The following TNS4 variants were observed in gnomAD, a reference collection of about 807,000 sequenced individuals.
TNS4 encodes tensin 4.
In TNS4, 46 loss-of-function variants were observed where a neutral mutation model predicts 70.4. The ratio of observed to expected loss-of-function variants is 0.65; its 90% CI spans 0.52 to 0.84. The LOEUF is 0.84. TNS4 is among the 40% of genes least tolerant of loss of function. The probability of loss-of-function intolerance (pLI) is 0.00; values close to 1 mark genes in which losing one functional copy is unlikely to be tolerated. For missense variants in TNS4, 863 were observed against 907.0 expected (o/e 0.95, Z 0.62); for synonymous variants, 390 against 366.6 (o/e 1.06, Z -0.73).
At chr17:40,478,761 C>T in intron 10 of TNS4, 113 bp from the exon 11 acceptor site, 1 of 1,237,414 alleles carries the variant, frequency 8.1e-7, no homozygotes, top group South Asian at 1.4e-5. Context: ...CAAGAAGTCT[C>T]TGGGTTAGAC....
intron 2 of TNS4, among the ~76,000 whole-genome samples, chr17:40,494,708 G>A (rs1192447820): frequency 6.9e-6 from 1 of 144,172 alleles, no homozygotes; most frequent in Non-Finnish European, 1.5e-5. Flanking sequence ...CTCCAGCCTG[G>A]GTGACAGTGA....
intron 2 of TNS4, among the ~76,000 whole-genome samples, chr17:40,490,325 G>A (rs1262523931): frequency 6.6e-6 from 1 of 152,266 alleles, no homozygotes; most frequent in Non-Finnish European, 1.5e-5. Context: ...TCTCCCCAAG[G>A]TGAGGATGAA....
Position 40,485,111 on chromosome 17 carries a change from G to T in TNS4, c.1289-104C>A. The T allele has an allele frequency of 6.1e-6, 6 of 984,432 alleles. No homozygotes were observed. The East Asian group carries it at 9.9e-5, about 16-fold the overall frequency. The allele number at this position is 984,432 out of a possible 1,614,324, so 61.0% of individuals were successfully genotyped here. A position where few individuals can be genotyped will look rare whatever the true frequency, so the allele number is the denominator to read the frequency against. Reference sequence around the variant, plus strand: ...ACCCTTCCCTACTCTATTGCCCCAAGGTTTCATTCAACCACCATCCCAGAC... The same window carrying T: ...ACCCTTCCCTACTCTATTGCCCCAATGTTTCATTCAACCACCATCCCAGAC... On this transcript the variant is annotated intron_variant, in intron 4 of 12. Coordinates refer to ENST00000254051, the MANE Select transcript of TNS4 (RefSeq NM_032865.6).
chr17:40,487,596 G>T, intron 3 of TNS4, 136 bp from the exon 4 acceptor site: 1 of 841,790 alleles, frequency 1.2e-6, no homozygotes, highest in Non-Finnish European at 1.8e-6. Flanking sequence ...ACCCCCTACA[G>T]CCCACAGCAA....
At chr17:40,500,526 G>A (rs569351768) in intron 1 of TNS4, among the ~76,000 whole-genome samples, 1 of 152,244 alleles carries the variant, frequency 6.6e-6, no homozygotes, top group South Asian at 2.1e-4. Flanking sequence ...CTATTTGTAG[G>A]TGCCCCCTAC....
At chr17:40,496,592 A>G (rs6503543) in intron 1 of TNS4, 72 bp from the exon 2 acceptor site, 633,101 of 687,112 alleles carry the variant, frequency 0.92, 293,655 homozygotes, top group East Asian at 0.97. Context: ...CTCCGTACAA[A>G]GGCTAAGTTA....
At chr17:40,482,286 C>G (rs534409647) in intron 7 of TNS4, 38 bp downstream of exon 7, 1 of 1,614,008 alleles carries the variant, frequency 6.2e-7, no homozygotes, top group Non-Finnish European at 8.5e-7. Flanking sequence ...TTCGCTGGCC[C>G]CCCATCCCGG....
Position 40,487,032 on chromosome 17 carries a change from G to T in TNS4, c.1288+4C>A, listed in dbSNP as rs552363525. 6.2e-7 allele frequency: 1 copy of T among 1,612,472 alleles called. No homozygotes were observed. The highest frequency in any genetic ancestry group is 8.5e-7 in the Non-Finnish European group (1 of 1,178,616). ...ATTGCTTCAAATATTGGTTTACGAC[G>T]TACCCTCTGGGCATGTGGTAAAGGG... On this transcript the variant is annotated splice_donor_region_variant and intron_variant, in intron 4 of 12. Transcript: ENST00000254051.
At chr17:40,480,066 T>A in intron 9 of TNS4, 2 of 570,600 alleles carry the variant, frequency 3.5e-6, no homozygotes, top group Non-Finnish European at 6.1e-6. Context: ...CCCCTGGCCC[T>A]CCAGCATGGG....
intron 5 of TNS4, 133 bp downstream of exon 5, chr17:40,484,782 CATGAGG>C: frequency 7.3e-7 from 1 of 1,362,972 alleles, no homozygotes. Flanking sequence ...CTCGGGAGGT[CATGAGG>C]TCAGCAGGAC....
chr17:40,478,534 C>T (rs141345820), intron 11 of TNS4, 46 bp downstream of exon 11: 41 of 1,608,626 alleles, frequency 2.5e-5, no homozygotes, highest in South Asian at 5.5e-5. Context: ...TGGTGGGCAG[C>T]GGGGCCCTGG....
At chr17:40,484,756 C>T in intron 5 of TNS4, 147 bp from the exon 6 acceptor site, 1 of 1,420,320 alleles carries the variant, frequency 7.0e-7, no homozygotes, top group Non-Finnish European at 9.6e-7. Context: ...ACCATTCTTG[C>T]TGTGGTTCCT....
At chr17:40,496,784 C>A (rs985801134) in intron 1 of TNS4, among the ~76,000 whole-genome samples, 66 of 152,272 alleles carry the variant, frequency 4.3e-4, no homozygotes, top group African/African-American at 1.5e-3. Context: ...ACATAATAAG[C>A]ATTATGTAAG....
In TNS4 at chr17:40,496,430, G is replaced by A; in HGVS notation, c.-5C>T. 1 of 1,610,326 alleles carries A rather than the reference G, an allele frequency of 6.2e-7. No individual in the cohort carries two copies. Among genetic ancestry groups the A allele is most frequent in the Non-Finnish European group, 8.5e-7 (1 of 1,179,406 alleles). ...GCTGGACATCACCTGGGACATGGTG[G>A]GGGTGGTGACCTCTGCAGTTTACCT... is the stretch of plus-strand genomic sequence containing the variant. On this transcript the variant is annotated 5_prime_UTR_variant, in exon 2 of 13. Coordinates refer to ENST00000254051, the MANE Select transcript of TNS4 (RefSeq NM_032865.6).
In TNS4 at chr17:40,475,855, A is replaced by G. The variant is rs1286338575; in HGVS notation, c.*1733T>C. On this transcript the variant is annotated 3_prime_UTR_variant, in exon 13 of 13. Transcript: ENST00000254051. ...ACTGTTTTGCAAAGACAAACATTTT[A>G]TTTTTCATGATAGGAGCTGTAGCAG... is the stretch of plus-strand genomic sequence containing the variant. The G allele has an allele frequency of 6.6e-6, 1 of 151,956 alleles. No individual in the cohort carries two copies. Among genetic ancestry groups the G allele is most frequent in the Non-Finnish European group, 1.5e-5 (1 of 67,988 alleles). The allele number at this position is 151,956 out of a possible 1,614,324, so 9.4% of individuals were successfully genotyped here. A position where few individuals can be genotyped will look rare whatever the true frequency, so the allele number is the denominator to read the frequency against.
At chr17:40,489,012 T>C in intron 2 of TNS4, 43 bp from the exon 3 acceptor site, 1 of 1,503,002 alleles carries the variant, frequency 6.7e-7, no homozygotes, top group Non-Finnish European at 8.9e-7. Context: ...TGCAGGAGCC[T>C]GGACTCATAG....
At position 40,488,758 on chromosome 17, in the gene TNS4, G is replaced by A. The variant is rs1003684729; in HGVS notation, c.651C>T (p.Pro217=). ...GGGGTCGAGGGGAGAGACCCTCTGA[G>A]GGGGGCAGAGGGCGCTGGTGCCCCC... is the stretch of plus-strand genomic sequence containing the variant. ...QGRGHQRPLP[P]SEGLSPRPPN... is the part of the protein sequence containing the mutation. The change falls in exon 3 of 13, where the codon CCC becomes CCT. Residue 217 remains proline (P), a synonymous_variant. Coordinates refer to ENST00000254051, the MANE Select transcript of TNS4 (RefSeq NM_032865.6). The A allele has an allele frequency of 1.9e-6, 3 of 1,604,578 alleles. No homozygotes were observed. The highest frequency in any genetic ancestry group is 2.6e-6 in the Non-Finnish European group (3 of 1,176,244).
intron 1 of TNS4, among the ~76,000 whole-genome samples, chr17:40,500,371 C>T (rs2143839993): frequency 6.6e-6 from 1 of 152,360 alleles, no homozygotes; most frequent in Admixed American, 6.5e-5. Context: ...TCCTGTATTC[C>T]TGAATGCTGC....
chr17:40,488,200 T>A (rs1185076760), intron 3 of TNS4, among the ~76,000 whole-genome samples: 2 of 152,210 alleles, frequency 1.3e-5, no homozygotes, highest in African/African-American at 2.4e-5. Context: ...ATAGTTCATC[T>A]CAGGCCCCCC....
Sources: allele counts gnomAD v4.1 joint callset (sites outside exome capture counted in the v4.1 genomes callset), GRCh38; gene constraint gnomAD v4.1.1; transcripts MANE v1.5; gene names NCBI Gene and HGNC (gene_info 2026-07-23, HGNC 2026-07-21).